DPY19L1: variants seen among roughly 807,000 people sequenced by gnomAD.
DPY19L1 encodes the protein dpy-19 like C-mannosyltransferase 1, also known as protein C-mannosyl-transferase DPY19L1.
Under a neutral mutation model 96.9 loss-of-function variants are expected in DPY19L1, and 35 were observed. The ratio of observed to expected loss-of-function variants is 0.36; its 90% CI spans 0.28 to 0.48. The LOEUF (loss-of-function observed/expected upper bound fraction) is 0.48. DPY19L1 is among the 20% of genes least tolerant of loss of function. DPY19L1 has a pLI of 0.99. For missense variants in DPY19L1, 521 were observed against 777.9 expected, an observed-to-expected ratio of 0.67 and a Z score of 3.93; for synonymous variants, 205 against 252.6, an observed-to-expected ratio of 0.81 and a Z score of 1.79.
intron 11 of DPY19L1, among the ~76,000 whole-genome samples, chr7:34,956,655 C>T (rs1277128681): frequency 6.6e-6 from 1 of 151,976 alleles, no homozygotes; most frequent in African/African-American, 2.4e-5. Context: ...AGGCGCCCGC[C>T]ACCATGCCCG....
At chr7:34,996,237 T>C (rs1785280881) in intron 6 of DPY19L1, among the ~76,000 whole-genome samples, 1 of 152,210 alleles carries the variant, frequency 6.6e-6, no homozygotes, top group Admixed American at 6.5e-5. Flanking sequence ...TTTGAAAGCT[T>C]GCAGCCAAAC....
chr7:34,960,988 A>G (rs1784489463), intron 10 of DPY19L1, among the ~76,000 whole-genome samples: 1 of 152,212 alleles, frequency 6.6e-6, no homozygotes, highest in African/African-American at 2.4e-5. Context: ...CTATCTGAGC[A>G]AAACTACAAA....
chr7:34,968,686 C>T (rs1784660049), intron 9 of DPY19L1, among the ~76,000 whole-genome samples: 1 of 132,308 alleles, frequency 7.6e-6, no homozygotes, highest in African/African-American at 2.8e-5. Flanking sequence ...AGGAGAATCG[C>T]TTGAACCCAG....
chr7:34,953,483 C>T (rs1451653712), intron 13 of DPY19L1, among the ~76,000 whole-genome samples: 1 of 152,148 alleles, frequency 6.6e-6, no homozygotes, highest in Non-Finnish European at 1.5e-5. Context: ...CTGACTTACC[C>T]ACCTTTCAGC....
upstream of DPY19L1, chr7:35,037,538 G>A (rs188898688): frequency 4.5e-3 from 1,421 of 312,410 alleles, 23 homozygotes; most frequent in African/African-American, 0.029. Context: ...CCCGCGGGCC[G>A]GGAGGCGGGG....
intron 1 of DPY19L1, 65 bp from the exon 2 acceptor site, chr7:35,018,661 A>G: frequency 7.1e-7 from 1 of 1,402,316 alleles, no homozygotes; most frequent in Non-Finnish European, 1.0e-6. Flanking sequence ...CAGAAAAGCC[A>G]TTTCAAAGAT....
chr7:34,993,878 G>C (rs1220187917), intron 6 of DPY19L1, among the ~76,000 whole-genome samples: 2 of 151,056 alleles, frequency 1.3e-5, no homozygotes, highest in East Asian at 3.9e-4. Context: ...TGCCCAACAT[G>C]ATGAAACACT....
chr7:35,019,454 C>CA (rs1044591916), intron 1 of DPY19L1, among the ~76,000 whole-genome samples: 6 of 144,788 alleles, frequency 4.1e-5, no homozygotes, highest in Admixed American at 1.4e-4. Context: ...CTCTGTTTCT[C>CA]AAAAAAACAA....
At chr7:34,968,597 C>T (rs1164392095) in intron 9 of DPY19L1, among the ~76,000 whole-genome samples, 1 of 151,608 alleles carries the variant, frequency 6.6e-6, no homozygotes, top group African/African-American at 2.4e-5. Flanking sequence ...GGTGAAACCC[C>T]GTCTCTACTA....
At chr7:35,007,431 G>T (rs912146838) in intron 6 of DPY19L1, among the ~76,000 whole-genome samples, 8 of 152,296 alleles carry the variant, frequency 5.3e-5, no homozygotes, top group Non-Finnish European at 1.0e-4. Context: ...ACAAGCTATA[G>T]CCACTGACAT....
upstream of DPY19L1, chr7:35,037,941 G>A: frequency 2.5e-6 from 3 of 1,220,660 alleles, no homozygotes; most frequent in African/African-American, 1.6e-5. Context: ...CGGGATCGGG[G>A]CGCTGATTCA....
At chr7:35,015,469 C>A (rs892580595) in intron 3 of DPY19L1, among the ~76,000 whole-genome samples, 1 of 152,152 alleles carries the variant, frequency 6.6e-6, no homozygotes, top group Admixed American at 6.5e-5. Context: ...TTCTGGTCAT[C>A]CTTAGTGCTC....
chr7:34,964,540 T>G (rs1234523150), intron 10 of DPY19L1, among the ~76,000 whole-genome samples: 1 of 152,176 alleles, frequency 6.6e-6, no homozygotes, highest in Non-Finnish European at 1.5e-5. Context: ...AAAAATTGTG[T>G]TTAGCCCAGA....
intron 9 of DPY19L1, 81 bp from the exon 10 acceptor site, chr7:34,967,052 A>T: frequency 2.8e-6 from 3 of 1,079,256 alleles, no homozygotes; most frequent in Non-Finnish European, 3.8e-6. Context: ...CTGTTGTTTC[A>T]ACTGATTTAT....
At chr7:34,963,483 C>T (rs1784545900) in intron 10 of DPY19L1, among the ~76,000 whole-genome samples, 1 of 152,154 alleles carries the variant, frequency 6.6e-6, no homozygotes. Flanking sequence ...TGGGTACATA[C>T]TGAAAACAAC....
intron 1 of DPY19L1, among the ~76,000 whole-genome samples, chr7:35,034,956 G>C (rs1237549712): frequency 6.6e-6 from 1 of 152,174 alleles, no homozygotes; most frequent in Admixed American, 6.5e-5. Flanking sequence ...CAGGAAATAA[G>C]GCAGCTTTCA....
At chr7:35,028,158 G>A (rs1786171898) in intron 1 of DPY19L1, among the ~76,000 whole-genome samples, 2 of 152,092 alleles carry the variant, frequency 1.3e-5, no homozygotes, top group Non-Finnish European at 2.9e-5. Context: ...GAGGCTCAGG[G>A]GCACATGACT....
chr7:34,996,215 T>A (rs1008730480), intron 6 of DPY19L1, among the ~76,000 whole-genome samples: 9 of 152,246 alleles, frequency 5.9e-5, no homozygotes, highest in Non-Finnish European at 1.0e-4. Flanking sequence ...AAAAGACTGC[T>A]GGCATTCCTT....
chr7:34,996,301 G>A (rs1205248596), intron 6 of DPY19L1, among the ~76,000 whole-genome samples: 1 of 152,104 alleles, frequency 6.6e-6, no homozygotes, highest in African/African-American at 2.4e-5. Flanking sequence ...AACCAGGCAG[G>A]ACCATGTGTT....
Sources: allele counts gnomAD v4.1 joint callset (sites outside exome capture counted in the v4.1 genomes callset), GRCh38; gene constraint gnomAD v4.1.1; transcripts MANE v1.5; gene names NCBI Gene and HGNC (gene_info 2026-07-23, HGNC 2026-07-21).